The following CFI variants were observed in gnomAD, a reference collection of about 807,000 sequenced individuals.
CFI encodes the protein C3B/C4B inactivator.
A neutral mutation model predicts 78.8 loss-of-function variants in CFI; 66 were observed. The ratio of observed to expected loss-of-function variants is 0.84; its 90% CI spans 0.69 to 1.03. The LOEUF is 1.03. Among genes scored for constraint, CFI ranks in the 50% least tolerant of loss-of-function variants. CFI has a pLI of 0.00. For missense variants in CFI, 706 were observed against 704.5 expected, an observed-to-expected ratio of 1.00 and a Z score of -0.02; for synonymous variants, 250 against 232.6, an observed-to-expected ratio of 1.07 and a Z score of -0.68.
intron 1 of CFI, among the ~76,000 whole-genome samples, chr4:109,778,344 T>C (rs1729552379): frequency 6.6e-6 from 1 of 152,160 alleles, no homozygotes; most frequent in Non-Finnish European, 1.5e-5. Flanking sequence ...CAGAGAATAC[T>C]ATAAACACCT....
chr4:109,749,477 G>T, intron 9 of CFI, 22 bp downstream of exon 9: 1 of 1,584,974 alleles, frequency 6.3e-7, no homozygotes, highest in Non-Finnish European at 8.7e-7. Flanking sequence ...CAGTTGCATT[G>T]TGACTTTTCA....
chr4:109,801,149 C>A (rs923451037), intron 1 of CFI, among the ~76,000 whole-genome samples: 1 of 152,306 alleles, frequency 6.6e-6, no homozygotes, highest in Non-Finnish European at 1.5e-5. Context: ...GACACTCTAA[C>A]TTCAATAAAA....
chr4:109,739,040 A>G (rs1323039913), downstream of CFI, among the ~76,000 whole-genome samples: 3 of 152,186 alleles, frequency 2.0e-5, no homozygotes, highest in African/African-American at 7.2e-5. Context: ...CATGTATTTA[A>G]TGTCACTCAA....
At position 109,787,892 on chromosome 4, in the gene CFI, G is replaced by T. The variant is rs117022035; in HGVS notation, c.57+14023C>A. ...AATTTTTAATAGATTTTTTTGAATA[G>T]GAAACAGAGAGAATTGTTCAAACAG... On this transcript the variant is annotated intron_variant, in intron 1 of 12. Transcript: ENST00000394634. 0.011 allele frequency among the ~76,000 whole-genome samples: 1,739 copies of T among 151,840 alleles called. 88 individuals are homozygous for T. The East Asian group carries it at 0.12, about 11-fold the overall frequency.
chr4:109,785,753 G>A (rs1422360408), intron 1 of CFI, among the ~76,000 whole-genome samples: 1 of 151,980 alleles, frequency 6.6e-6, no homozygotes, highest in Non-Finnish European at 1.5e-5. Context: ...AATCATGGGG[G>A]CGGTTTCACC....
rs113273712 is a variant in CFI, at chr4:109,752,492, T to C, written c.916A>G (p.Ile306Val). 492 of 1,613,198 alleles carry C rather than the reference T, an allele frequency of 3.0e-4. 1 individual carries two copies. In the African/African-American group the frequency reaches 5.3e-3, roughly 17 times the overall value. ...FASVTQEETEILTADMDAERR... is the reference protein window; with the variant it reads ...FASVTQEETEVLTADMDAERR... ...CCTGCATCCATGTCAGCAGTCAAAA[T>C]TTCTGTTTCTTCTATGATAAAACAA... The change falls in exon 8 of 13, where the codon ATT (isoleucine) becomes GTT (valine). Residue 306 changes from isoleucine (I) to valine (V), a missense_variant. Ile to Val is a conservative substitution (Grantham distance 29, BLOSUM62 3). Transcript: ENST00000394634.
chr4:109,779,723 A>C (rs1202817908), intron 1 of CFI, among the ~76,000 whole-genome samples: 2 of 152,170 alleles, frequency 1.3e-5, no homozygotes, highest in Non-Finnish European at 2.9e-5. Flanking sequence ...ATGTGACCTG[A>C]CTTCAAACTA....
chr4:109,766,390 AC>A (rs1310742900), intron 2 of CFI, among the ~76,000 whole-genome samples, 163 bp downstream of exon 2: 2 of 152,110 alleles, frequency 1.3e-5, no homozygotes, highest in Non-Finnish European at 2.9e-5. Context: ...GATTCTGGCA[AC>A]CCCTGATTTG....
intron 10 of CFI, among the ~76,000 whole-genome samples, chr4:109,747,107 C>T (rs2126187702): frequency 6.6e-6 from 1 of 152,300 alleles, no homozygotes; most frequent in South Asian, 2.1e-4. Flanking sequence ...GTTTTAAAAT[C>T]CTGTTGAAAT....
rs1160191992 is a variant in CFI, at chr4:109,789,918, T to C, written c.57+11997A>G. On this transcript the variant is annotated intron_variant, in intron 1 of 12. Transcript: ENST00000394634. The stretch of plus-strand genomic sequence containing the variant: ...AATTCTCTTTATATGTTTGGTAGAA[T>C]TCACGAGTGAAGCCATCTGGTTACA... Among the ~76,000 whole-genome samples, 4 of 152,222 alleles carry C rather than the reference T, an allele frequency of 2.6e-5. No homozygotes were observed. In the East Asian group the frequency reaches 7.7e-4, roughly 29 times the overall value.
intron 8 of CFI, among the ~76,000 whole-genome samples, chr4:109,750,377 A>G (rs1482283732): frequency 2.6e-5 from 4 of 152,128 alleles, no homozygotes; most frequent in Admixed American, 1.3e-4. Context: ...CTTATTAAGT[A>G]CTTTCTATAT....
chr4:109,801,538 C>T (rs1428634558), intron 1 of CFI, among the ~76,000 whole-genome samples: 1 of 152,142 alleles, frequency 6.6e-6, no homozygotes, highest in Non-Finnish European at 1.5e-5. Context: ...CTTTCTATAA[C>T]TATAGAGCGT....
intron 1 of CFI, among the ~76,000 whole-genome samples, chr4:109,774,562 C>A (rs1401174741): frequency 6.6e-6 from 1 of 152,060 alleles, no homozygotes. Flanking sequence ...GATCAGGTCA[C>A]AGAATTGGAG....
intron 1 of CFI, among the ~76,000 whole-genome samples, chr4:109,797,544 G>A (rs28785634): frequency 0.11 from 17,351 of 151,530 alleles, 2,105 homozygotes; most frequent in East Asian, 0.31. Context: ...GACGACAAAA[G>A]CACAGGCAAC....
chr4:109,743,080 T>A (rs534266357), intron 11 of CFI, among the ~76,000 whole-genome samples: 4 of 152,320 alleles, frequency 2.6e-5, no homozygotes, highest in African/African-American at 9.6e-5. Flanking sequence ...GAAAAATCCA[T>A]CTCCTAAGTG....
At chr4:109,780,351 C>A (rs532102620) in intron 1 of CFI, among the ~76,000 whole-genome samples, 1 of 152,144 alleles carries the variant, frequency 6.6e-6, no homozygotes, top group Non-Finnish European at 1.5e-5. Flanking sequence ...TGAAGAGACA[C>A]TTCTCAAAAG....
At chr4:109,798,807 C>T (rs1446952986) in intron 1 of CFI, among the ~76,000 whole-genome samples, 1 of 151,808 alleles carries the variant, frequency 6.6e-6, no homozygotes, top group Admixed American at 6.6e-5. Flanking sequence ...TTCTTTATCA[C>T]ATGTGGTCTT....
chr4:109,787,306 T>A (rs1195274236), intron 1 of CFI, among the ~76,000 whole-genome samples: 1 of 152,086 alleles, frequency 6.6e-6, no homozygotes, highest in African/African-American at 2.4e-5. Flanking sequence ...AACAACCACA[T>A]CAGAAACCTT....
chr4:109,741,650 T>C (rs997195702), intron 12 of CFI, among the ~76,000 whole-genome samples: 26 of 152,194 alleles, frequency 1.7e-4, no homozygotes, highest in Non-Finnish European at 3.7e-4. Flanking sequence ...ATACTCCCTT[T>C]TGGGAGATTT....
Sources: gnomAD v4.1 joint callset for allele counts (sites outside exome capture counted in the v4.1 genomes callset) on GRCh38, gnomAD v4.1.1 for gene constraint, MANE v1.5 for transcripts, NCBI Gene and HGNC (gene_info 2026-07-23, HGNC 2026-07-21) for gene names.